Variants in CCNY observed in about 807,000 individuals in gnomAD.
CCNY encodes the protein cyclin Y.
A neutral mutation model predicts 42.8 loss-of-function variants in CCNY; 19 were observed. The ratio of observed to expected loss-of-function variants is 0.44; its 90% CI spans 0.31 to 0.65. The LOEUF (loss-of-function observed/expected upper bound fraction) is 0.65, where lower values mean the gene tolerates loss of function less well. CCNY is among the 30% of genes least tolerant of loss of function. The pLI, the probability that CCNY is intolerant of heterozygous loss-of-function variation, is 0.07. For synonymous variants in CCNY, 165 were observed against 162.7 expected, an observed-to-expected ratio of 1.01 and a Z score of -0.11; for missense variants, 370 against 437.3, an observed-to-expected ratio of 0.85 and a Z score of 1.37.
intron 3 of CCNY, among the ~76,000 whole-genome samples, chr10:35,256,460 G>C (rs2135026435): frequency 6.6e-6 from 1 of 152,088 alleles, no homozygotes; most frequent in Admixed American, 6.6e-5. Context: ...ACAAGGCTGG[G>C]CGGTGGCTCA....
At chr10:35,372,002 T>G (rs928718909) in intron 1 of CCNY, among the ~76,000 whole-genome samples, 2 of 152,168 alleles carry the variant, frequency 1.3e-5, no homozygotes, top group African/African-American at 4.8e-5. Context: ...TTATAAAGGA[T>G]GCAGCAACAA....
At chr10:35,542,548 A>G (rs763734694) in intron 7 of CCNY, among the ~76,000 whole-genome samples, 8 of 152,152 alleles carry the variant, frequency 5.3e-5, no homozygotes, top group Non-Finnish European at 1.0e-4. Context: ...GCATTCTGAG[A>G]AGAGTGCTTG....
At chr10:35,303,717 C>T (rs1163785990) in intron 3 of CCNY, among the ~76,000 whole-genome samples, 4 of 127,694 alleles carry the variant, frequency 3.1e-5, no homozygotes, top group Non-Finnish European at 4.7e-5. Context: ...GCGGAGGTTG[C>T]GGTGAGCCGA....
At chr10:35,349,452 G>A (rs1836381465) in intron 1 of CCNY, among the ~76,000 whole-genome samples, 1 of 152,210 alleles carries the variant, frequency 6.6e-6, no homozygotes, top group African/African-American at 2.4e-5. Context: ...GAAACATGAT[G>A]TTAAACTACA....
intron 7 of CCNY, among the ~76,000 whole-genome samples, chr10:35,532,583 T>TC (rs1490225349): frequency 6.6e-6 from 1 of 152,212 alleles, no homozygotes; most frequent in East Asian, 1.9e-4. Flanking sequence ...TGCTGAAAGC[T>TC]CTCCTATGGA....
intron 1 of CCNY, among the ~76,000 whole-genome samples, chr10:35,398,477 C>T (rs2135224302): frequency 6.6e-6 from 1 of 152,264 alleles, no homozygotes; most frequent in East Asian, 1.9e-4. Flanking sequence ...TTGGTCACTA[C>T]TTGGGGTCAT....
intron 3 of CCNY, among the ~76,000 whole-genome samples, chr10:35,269,633 T>TG (rs1835136509): frequency 8.5e-6 from 1 of 118,228 alleles, no homozygotes. Flanking sequence ...TTTTTTTTGT[T>TG]TTGTTTTTTT....
rs879751962 is a variant in CCNY at position 35,275,762 on chromosome 10, CA to C, written c.-9+25148del. ...TGGGTGACACAGCGAGACTCCGTCTCAAAAAAAAAAAAGAGTGTGTCCAGTC... is the reference window on the plus strand; with the variant it reads ...TGGGTGACACAGCGAGACTCCGTCTCAAAAAAAAAAAGAGTGTGTCCAGTC... On this transcript the variant is annotated intron_variant, in intron 3 of 11. Coordinates refer to the CCNY transcript ENST00000374706. Among the ~76,000 whole-genome samples the C allele has an allele frequency of 3.9e-3, 530 of 137,244 alleles. 7 individuals are homozygous for C. Among genetic ancestry groups the C allele is most frequent in the East Asian group, 7.5e-3 (35 of 4,646 alleles). The allele number at this position is 137,244 out of a possible 152,430, so 90.0% of individuals were successfully genotyped here.
chr10:35,480,378 T>G (rs776259895), intron 1 of CCNY, among the ~76,000 whole-genome samples: 11 of 152,164 alleles, frequency 7.2e-5, no homozygotes, highest in Non-Finnish European at 1.0e-4. Flanking sequence ...ATTCCGCCTT[T>G]CCTCGCTGCA....
At chr10:35,542,672 A>T (rs540247551) in intron 7 of CCNY, among the ~76,000 whole-genome samples, 12 of 152,254 alleles carry the variant, frequency 7.9e-5, no homozygotes, top group African/African-American at 1.2e-4. Flanking sequence ...CTGCCATTCA[A>T]CCCCTGAACT....
intron 1 of CCNY, among the ~76,000 whole-genome samples, chr10:35,398,040 C>T (rs1327840787): frequency 6.6e-6 from 1 of 152,180 alleles, no homozygotes; most frequent in Non-Finnish European, 1.5e-5. Context: ...ACACCCTCAT[C>T]CATGTGGAGT....
intron 8 of CCNY, among the ~76,000 whole-genome samples, chr10:35,555,566 T>C (rs1841346978): frequency 6.6e-6 from 1 of 152,216 alleles, no homozygotes; most frequent in African/African-American, 2.4e-5. Context: ...CATTTATCCA[T>C]GAGGTGGTAC....
chr10:35,377,432 ATGT>A (rs1024868523), intron 1 of CCNY, among the ~76,000 whole-genome samples: 2 of 152,226 alleles, frequency 1.3e-5, no homozygotes, highest in African/African-American at 4.8e-5. Context: ...GGGCATTAAC[ATGT>A]TGTACAGATT....
chr10:35,375,067 C>T (rs902510231), intron 1 of CCNY, among the ~76,000 whole-genome samples: 1 of 151,766 alleles, frequency 6.6e-6, no homozygotes, highest in African/African-American at 2.4e-5. Context: ...CTTTAAAGTA[C>T]ATTTTTTTTT....
chr10:35,552,239 A>G (rs988888076), intron 7 of CCNY, among the ~76,000 whole-genome samples: 6 of 152,208 alleles, frequency 3.9e-5, no homozygotes, highest in East Asian at 1.9e-4. Context: ...CCTTGAGGTC[A>G]TTATGCGAAG....
intron 3 of CCNY, among the ~76,000 whole-genome samples, chr10:35,300,389 G>A (rs1241433554): frequency 6.6e-6 from 1 of 151,920 alleles, no homozygotes; most frequent in East Asian, 1.9e-4. Context: ...GGGTGATCGT[G>A]GGTCTTGCCT....
chr10:35,456,303 G>A (rs186467517), intron 1 of CCNY, among the ~76,000 whole-genome samples: 6 of 152,304 alleles, frequency 3.9e-5, no homozygotes, highest in African/African-American at 1.4e-4. Context: ...TGCTTCTTGA[G>A]CACTCACATG....
rs9299720 is a variant in CCNY at position 35,343,382 on chromosome 10, C to CTTTTTTT, written c.154+6193_154+6199dup. ...CACCCTCCTCTACAAAGCTGATGGT[C>CTTTTTTT]TTTTTTTTTTTTTTTTTTTTTTTTG... On this transcript the variant is annotated intron_variant, in intron 1 of 9. Coordinates refer to ENST00000374704, the MANE Select transcript of CCNY (RefSeq NM_145012.6). 2.6e-4 allele frequency among the ~76,000 whole-genome samples: 22 copies of CTTTTTTT among 85,916 alleles called. 2 individuals are homozygous for CTTTTTTT. The highest frequency in any genetic ancestry group is 5.5e-4 in the African/African-American group (11 of 19,880). The allele number at this position is 85,916 out of a possible 152,430, so 56.4% of individuals were successfully genotyped here. A position where few individuals can be genotyped will look rare whatever the true frequency, so the allele number is the denominator to read the frequency against.
chr10:35,525,916 T>C (rs1564446024), intron 4 of CCNY, 48 bp from the exon 5 acceptor site: 1 of 1,558,734 alleles, frequency 6.4e-7, no homozygotes. Flanking sequence ...ATGTGTAAGG[T>C]CTTGAATATG....
Sources: allele counts gnomAD v4.1 joint callset (sites outside exome capture counted in the v4.1 genomes callset), GRCh38; gene constraint gnomAD v4.1.1; transcripts MANE v1.5; gene names NCBI Gene and HGNC (gene_info 2026-07-23, HGNC 2026-07-21).